Variants in CTNNA2 observed in about 807,000 individuals in gnomAD.
The protein encoded by CTNNA2 is catenin alpha 2.
Under a neutral mutation model 101.0 loss-of-function variants are expected in CTNNA2, and 42 were observed. The ratio of observed to expected loss-of-function variants is 0.42; its 90% CI spans 0.32 to 0.54. The LOEUF (loss-of-function observed/expected upper bound fraction) is 0.54, where lower values mean the gene tolerates loss of function less well. Among genes scored for constraint, CTNNA2 ranks in the 20% least tolerant of loss-of-function variants. The pLI, the probability that CTNNA2 is intolerant of heterozygous loss-of-function variation, is 0.14. For synonymous variants in CTNNA2, 450 were observed against 456.4 expected, an observed-to-expected ratio of 0.99 and a Z score of 0.18; for missense variants, 871 against 1,223.1, an observed-to-expected ratio of 0.71 and a Z score of 4.29.
intron 3 of CTNNA2, among the ~76,000 whole-genome samples, chr2:79,815,345 TAAGCC>T (rs1282773238): frequency 6.6e-6 from 1 of 152,200 alleles, no homozygotes; most frequent in Non-Finnish European, 1.5e-5. Context: ...AATCCTTGCC[TAAGCC>T]AATGTCTAGG....
At chr2:80,415,663 T>C (rs535721164) in intron 8 of CTNNA2, among the ~76,000 whole-genome samples, 2 of 152,170 alleles carry the variant, frequency 1.3e-5, no homozygotes, top group South Asian at 4.2e-4. Context: ...CCTCAAAAAA[T>C]TAAAACTAGA....
Position 80,112,447 on chromosome 2 carries a change from T to A in CTNNA2, c.1056+202650T>A, listed in dbSNP as rs905893572. ...TTGCTGTGATGGACTGTGATGGGGA[T>A]ATAATTTGTCTAGGTTGGTCAGAAA... On this transcript the variant is annotated intron_variant, in intron 7 of 18. Coordinates refer to ENST00000402739, the MANE Select transcript of CTNNA2 (RefSeq NM_001282597.3). Among the ~76,000 whole-genome samples the A allele has an allele frequency of 2.0e-5, 3 of 152,226 alleles. No homozygotes were observed. In the South Asian group the frequency reaches 6.2e-4, roughly 31 times the overall value.
intron 7 of CTNNA2, among the ~76,000 whole-genome samples, chr2:80,083,821 A>T (rs146124153): frequency 1.1e-3 from 174 of 152,252 alleles, no homozygotes; most frequent in African/African-American, 4.0e-3. Flanking sequence ...TACATTTATG[A>T]ATTTTTAATA....
chr2:79,894,012 T>TTCG (rs1264254326), intron 6 of CTNNA2, among the ~76,000 whole-genome samples: 45 of 113,050 alleles, frequency 4.0e-4, no homozygotes, highest in Non-Finnish European at 9.1e-4. Flanking sequence ...CTTCTTCTTC[T>TTCG]TCTTCTTCTT....
chr2:79,272,845 T>C (rs1018381113), intron 2 of CTNNA2, among the ~76,000 whole-genome samples: 4 of 152,102 alleles, frequency 2.6e-5, no homozygotes, highest in Admixed American at 2.6e-4. Context: ...TTTATTGAGA[T>C]AACTGATATG....
At chr2:80,012,786 G>A (rs1188457508) in intron 7 of CTNNA2, among the ~76,000 whole-genome samples, 1 of 152,136 alleles carries the variant, frequency 6.6e-6, no homozygotes, top group Non-Finnish European at 1.5e-5. Context: ...TGCCACTCAT[G>A]AGAATAGATA....
chr2:80,030,282 G>C (rs13400906), intron 7 of CTNNA2, among the ~76,000 whole-genome samples: 1 of 150,788 alleles, frequency 6.6e-6, no homozygotes, highest in Non-Finnish European at 1.5e-5. Flanking sequence ...GTGTCTCTTA[G>C]ACTGTCCCAG....
chr2:80,458,705 C>T (rs949758035), intron 9 of CTNNA2, among the ~76,000 whole-genome samples: 2 of 152,238 alleles, frequency 1.3e-5, no homozygotes, highest in East Asian at 3.9e-4. Flanking sequence ...CTTGTTCAAC[C>T]ACACACCAAA....
intron 18 of CTNNA2, among the ~76,000 whole-genome samples, chr2:80,638,482 G>GT (rs947031042): frequency 1.3e-4 from 20 of 152,300 alleles, no homozygotes; most frequent in African/African-American, 4.3e-4. Flanking sequence ...CAAGGAAAGA[G>GT]TAAGTATAGG....
chr2:79,226,552 A>G (rs1674411767), intron 2 of CTNNA2, among the ~76,000 whole-genome samples: 1 of 152,176 alleles, frequency 6.6e-6, no homozygotes, highest in Admixed American at 6.5e-5. Flanking sequence ...TATAGGGAGC[A>G]TAGCGGACGT....
intron 7 of CTNNA2, among the ~76,000 whole-genome samples, chr2:80,278,999 C>T (rs1463049187): frequency 6.8e-6 from 1 of 146,734 alleles, no homozygotes; most frequent in Non-Finnish European, 1.5e-5. Flanking sequence ...ATGGATTATT[C>T]TATTGGAGAC....
chr2:79,451,260 C>A (rs1670745851), intron 4 of CTNNA2, among the ~76,000 whole-genome samples: 1 of 151,978 alleles, frequency 6.6e-6, no homozygotes, highest in African/African-American at 2.4e-5. Flanking sequence ...GTGTGAGGAT[C>A]CTTTTAGGAT....
At chr2:79,595,049 A>G (rs1214630730) in intron 1 of CTNNA2, among the ~76,000 whole-genome samples, 4 of 151,942 alleles carry the variant, frequency 2.6e-5, no homozygotes, top group Non-Finnish European at 4.4e-5. Flanking sequence ...TGATTAGATG[A>G]CTGTGACATT....
At chr2:79,825,946 T>C (rs1251739292) in intron 3 of CTNNA2, among the ~76,000 whole-genome samples, 1 of 152,216 alleles carries the variant, frequency 6.6e-6, no homozygotes, top group Non-Finnish European at 1.5e-5. Flanking sequence ...CTGTATCTTA[T>C]ATGATATTAT....
chr2:79,443,502 T>C (rs1573168623), intron 4 of CTNNA2, among the ~76,000 whole-genome samples: 1 of 152,110 alleles, frequency 6.6e-6, no homozygotes, highest in East Asian at 1.9e-4. Context: ...TAATCTTATC[T>C]GGAAACACCC....
At chr2:80,339,266 T>C (rs1040198713) in intron 7 of CTNNA2, among the ~76,000 whole-genome samples, 1 of 152,176 alleles carries the variant, frequency 6.6e-6, no homozygotes, top group African/African-American at 2.4e-5. Context: ...AAATATGTTA[T>C]AGCCAGATAG....
chr2:80,331,716 C>T (rs1055985419), intron 7 of CTNNA2, among the ~76,000 whole-genome samples: 16 of 152,142 alleles, frequency 1.1e-4, no homozygotes, highest in African/African-American at 3.6e-4. Flanking sequence ...GGGTGATCTC[C>T]ACCCGATGAC....
intron 2 of CTNNA2, among the ~76,000 whole-genome samples, chr2:79,233,157 T>A (rs1300421819): frequency 6.6e-6 from 1 of 152,210 alleles, no homozygotes; most frequent in Non-Finnish European, 1.5e-5. Context: ...AAGTAGTTAA[T>A]TTGAGAACTT....
intron 13 of CTNNA2, among the ~76,000 whole-genome samples, chr2:80,580,496 C>T (rs543626042): frequency 6.6e-6 from 1 of 152,238 alleles, no homozygotes; most frequent in African/African-American, 2.4e-5. Context: ...TTAGATCTAA[C>T]TTCTGGTTCT....
Sources: gnomAD v4.1 joint callset for allele counts (sites outside exome capture counted in the v4.1 genomes callset) on GRCh38, gnomAD v4.1.1 for gene constraint, MANE v1.5 for transcripts, NCBI Gene and HGNC (gene_info 2026-07-23, HGNC 2026-07-21) for gene names.